SCAPER: variants seen among roughly 807,000 people sequenced by gnomAD.
SCAPER encodes the protein S-phase cyclin A associated protein in the ER.
A neutral mutation model predicts 182.2 loss-of-function variants in SCAPER; 98 were observed. The ratio of observed to expected loss-of-function variants is 0.54; its 90% CI spans 0.46 to 0.64. The LOEUF (loss-of-function observed/expected upper bound fraction) is 0.64, where lower values mean the gene tolerates loss of function less well. SCAPER is among the 30% of genes least tolerant of loss of function. SCAPER has a pLI of 0.00. For missense variants in SCAPER, 1,432 were observed against 1,690.0 expected, an observed-to-expected ratio of 0.85 and a Z score of 2.68; for synonymous variants, 605 against 564.6, an observed-to-expected ratio of 1.07 and a Z score of -1.01.
chr15:76,392,894 C>T (rs141596117), intron 27 of SCAPER, among the ~76,000 whole-genome samples: 1 of 152,170 alleles, frequency 6.6e-6, no homozygotes, highest in Non-Finnish European at 1.5e-5. Context: ...CATTCTGCTC[C>T]TCTAAACCCT....
chr15:76,499,845 T>A (rs1286880046), intron 24 of SCAPER, among the ~76,000 whole-genome samples: 2 of 152,202 alleles, frequency 1.3e-5, no homozygotes, highest in African/African-American at 4.8e-5. Flanking sequence ...AGTTTGAATT[T>A]AGGGTGAAAA....
At chr15:76,576,582 C>A (rs1359782678) in intron 22 of SCAPER, among the ~76,000 whole-genome samples, 2 of 152,104 alleles carry the variant, frequency 1.3e-5, no homozygotes, top group African/African-American at 4.8e-5. Context: ...TTAATAAGAA[C>A]CGAAAGTTGT....
rs376511025 is a variant in SCAPER, at chr15:76,733,222, A to T, written c.2022+7T>A. The T allele has an allele frequency of 1.2e-5, 18 of 1,556,690 alleles. No individual in the cohort carries two copies. The highest frequency in any genetic ancestry group is 1.4e-5 in the Non-Finnish European group (16 of 1,149,620). On this transcript the variant is annotated splice_region_variant and intron_variant, in intron 16 of 31. Coordinates refer to ENST00000563290, the MANE Select transcript of SCAPER (RefSeq NM_020843.4). ...CAAGCAATGTTTGCTGAATAAAAAAATCCTACCTGCACAGCTTCATCACGT... is the reference window on the plus strand; with the variant it reads ...CAAGCAATGTTTGCTGAATAAAAAATTCCTACCTGCACAGCTTCATCACGT...
intron 24 of SCAPER, among the ~76,000 whole-genome samples, chr15:76,486,155 C>G (rs1172324694): frequency 6.6e-6 from 1 of 151,938 alleles, no homozygotes; most frequent in South Asian, 2.1e-4. Context: ...TGCAGTGAGC[C>G]GAGATCACGC....
At chr15:76,891,934 A>G (rs1388081030) in intron 1 of SCAPER, among the ~76,000 whole-genome samples, 1 of 152,198 alleles carries the variant, frequency 6.6e-6, no homozygotes, top group Non-Finnish European at 1.5e-5. Flanking sequence ...ACTATACTAC[A>G]AGGCTACAGT....
At chr15:76,490,614 C>T (rs2052201259) in intron 24 of SCAPER, among the ~76,000 whole-genome samples, 1 of 151,952 alleles carries the variant, frequency 6.6e-6, no homozygotes, top group Non-Finnish European at 1.5e-5. Flanking sequence ...CTATTGTTTC[C>T]TTTGATGTGA....
chr15:76,475,680 C>G (rs1567218215), intron 24 of SCAPER, among the ~76,000 whole-genome samples: 1 of 152,132 alleles, frequency 6.6e-6, no homozygotes, highest in African/African-American at 2.4e-5. Context: ...GAAGCTTGAA[C>G]CAAAGAACAG....
chr15:76,621,343 T>C (rs1381431533), intron 22 of SCAPER, among the ~76,000 whole-genome samples: 6 of 152,234 alleles, frequency 3.9e-5, no homozygotes, highest in African/African-American at 1.4e-4. Flanking sequence ...TAATTCTCTT[T>C]ACGGACTGGC....
intron 21 of SCAPER, among the ~76,000 whole-genome samples, chr15:76,655,410 T>C (rs1364303306): frequency 6.6e-6 from 1 of 152,158 alleles, no homozygotes; most frequent in Non-Finnish European, 1.5e-5. Flanking sequence ...ACCAAATCTA[T>C]GACTCATTGA....
At chr15:76,521,104 G>A (rs2042800443) in intron 23 of SCAPER, among the ~76,000 whole-genome samples, 1 of 152,132 alleles carries the variant, frequency 6.6e-6, no homozygotes. Flanking sequence ...CAGAAAATAA[G>A]TACAGAATTC....
intron 5 of SCAPER, among the ~76,000 whole-genome samples, chr15:76,840,086 T>G (rs2069319764): frequency 6.6e-6 from 1 of 152,074 alleles, no homozygotes. Flanking sequence ...CTCATTATAC[T>G]CCAAGAATAT....
intron 23 of SCAPER, among the ~76,000 whole-genome samples, chr15:76,549,640 A>C (rs2045588239): frequency 1.3e-5 from 2 of 152,198 alleles, no homozygotes; most frequent in South Asian, 4.1e-4. Flanking sequence ...AGATATACCT[A>C]ATGTTAAATG....
chr15:76,458,333 A>G (rs1285536394), intron 25 of SCAPER, among the ~76,000 whole-genome samples: 1 of 152,020 alleles, frequency 6.6e-6, no homozygotes, highest in Non-Finnish European at 1.5e-5. Flanking sequence ...GAGAGAGAAA[A>G]TCATATATAG....
At chr15:76,398,682 T>C (rs1383044095) in intron 27 of SCAPER, among the ~76,000 whole-genome samples, 1 of 152,270 alleles carries the variant, frequency 6.6e-6, no homozygotes, top group Non-Finnish European at 1.5e-5. Flanking sequence ...CATTTTGTTA[T>C]TGTCATCTAT....
chr15:76,636,816 T>C (rs1299260462), intron 21 of SCAPER, among the ~76,000 whole-genome samples: 1 of 152,204 alleles, frequency 6.6e-6, no homozygotes, highest in African/African-American at 2.4e-5. Context: ...CCAAAAAAAT[T>C]GGTTCTCACA....
At chr15:76,473,246 T>G (rs554813834) in intron 24 of SCAPER, among the ~76,000 whole-genome samples, 39 of 152,242 alleles carry the variant, frequency 2.6e-4, no homozygotes, top group Non-Finnish European at 1.5e-5. Context: ...CCGATTTTGC[T>G]AGTCCATTGA....
At chr15:76,428,091 AAAAACAAAAC>A (rs1006057568) in intron 26 of SCAPER, among the ~76,000 whole-genome samples, 7 of 152,092 alleles carry the variant, frequency 4.6e-5, no homozygotes, top group African/African-American at 7.2e-5. Context: ...CAGTGTCTCA[AAAAACAAAAC>A]AAAACAAAAC....
chr15:76,397,087 A>G (rs909670474), intron 27 of SCAPER, among the ~76,000 whole-genome samples: 1 of 147,984 alleles, frequency 6.8e-6, no homozygotes, highest in African/African-American at 2.5e-5. Context: ...TGAAATGATC[A>G]TTTAGTTTTT....
In SCAPER at chr15:76,594,424, C is replaced by A. The variant is rs1215957684; in HGVS notation, c.2712-20140G>T. ...CTCTGCAGGATATTATCCAGGAGAA[C>A]TTCCCCAACCTAGCAAGAAAGGCCA... On this transcript the variant is annotated intron_variant, in intron 22 of 31. Coordinates refer to ENST00000563290, the MANE Select transcript of SCAPER (RefSeq NM_020843.4). Among the ~76,000 whole-genome samples the A allele has an allele frequency of 9.1e-5, 11 of 121,150 alleles. 4 individuals carry two copies. The highest frequency in any genetic ancestry group is 2.2e-4 in the Non-Finnish European group (11 of 49,948). The allele number at this position is 121,150 out of a possible 152,430, so 79.5% of individuals were successfully genotyped here. A position where few individuals can be genotyped will look rare whatever the true frequency, so the allele number is the denominator to read the frequency against.
Sources: allele counts gnomAD v4.1 joint callset (sites outside exome capture counted in the v4.1 genomes callset), GRCh38; gene constraint gnomAD v4.1.1; transcripts MANE v1.5; gene names NCBI Gene and HGNC (gene_info 2026-07-23, HGNC 2026-07-21).